The following USH2A variants were observed in gnomAD, a reference collection of about 807,000 sequenced individuals.
USH2A encodes usherin, also known as Usher syndrome 2A (autosomal recessive, mild).
A neutral mutation model predicts 538.9 loss-of-function variants in USH2A; 443 were observed. The observed-to-expected ratio is 0.82, with a 90% CI of 0.76 to 0.89. The LOEUF (loss-of-function observed/expected upper bound fraction) is 0.89. USH2A is among the 40% of genes least tolerant of loss of function. USH2A has a pLI of 0.00. For synonymous variants in USH2A, 2,413 were observed against 2,273.5 expected (o/e 1.06, Z -1.75); for missense variants, 6,633 against 6,324.8 (o/e 1.05, Z -1.65).
intron 27 of USH2A, among the ~76,000 whole-genome samples, chr1:216,073,564 T>C (rs2031638608): frequency 6.6e-6 from 1 of 152,216 alleles, no homozygotes; most frequent in Admixed American, 6.5e-5. Flanking sequence ...GCATTTATTT[T>C]ACCTCCTTAG....
chr1:216,241,602 T>C (rs2035939832), intron 13 of USH2A, among the ~76,000 whole-genome samples: 1 of 152,006 alleles, frequency 6.6e-6, no homozygotes, highest in African/African-American at 2.4e-5. Flanking sequence ...TGGCGCCATC[T>C]CTGCTCACTG....
chr1:216,037,434 T>G (rs1233087143), intron 32 of USH2A, among the ~76,000 whole-genome samples: 1 of 152,180 alleles, frequency 6.6e-6, no homozygotes, highest in African/African-American at 2.4e-5. Context: ...TGACCTTTGC[T>G]CTTGACTGGT....
intron 61 of USH2A, among the ~76,000 whole-genome samples, chr1:215,719,365 A>C (rs1307818568): frequency 1.1e-5 from 1 of 93,852 alleles, no homozygotes; most frequent in Non-Finnish European, 2.3e-5. Flanking sequence ...CAGGAGACAA[A>C]AAAAAAAAAA....
intron 30 of USH2A, among the ~76,000 whole-genome samples, chr1:216,063,470 A>G (rs1003468519): frequency 6.6e-6 from 1 of 152,158 alleles, no homozygotes; most frequent in Non-Finnish European, 1.5e-5. Context: ...CCTTCTACCT[A>G]TGTCCTTGAT....
At chr1:215,984,496 G>T (rs1421739462) in intron 35 of USH2A, among the ~76,000 whole-genome samples, 1 of 152,150 alleles carries the variant, frequency 6.6e-6, no homozygotes, top group African/African-American at 2.4e-5. Context: ...GGTTTTTAAG[G>T]TGTTTAATTT....
Position 216,046,317 on chromosome 1 carries a change from C to T in USH2A, c.6325+114G>A. 7.1e-6 allele frequency: 8 copies of T among 1,119,324 alleles called. No homozygotes were observed. The South Asian group carries it at 8.3e-5, about 12-fold the overall frequency. 69.3% of individuals were successfully genotyped at this position (1,119,324 alleles called of 1,614,324 possible). On this transcript the variant is annotated intron_variant, in intron 32 of 71. Transcript: ENST00000307340. ...TTATTTTTTTCACATATTTCCTAAG[C>T]ATTCTTGATTAAATTTGCAGATATG...
chr1:215,900,622 ATTGT>A (rs1665468091), intron 39 of USH2A, 129 bp downstream of exon 39: 6 of 1,183,136 alleles, frequency 5.1e-6, no homozygotes, highest in South Asian at 1.3e-5. Context: ...TTATCCTCTA[ATTGT>A]TTGGGGTTTT....
At chr1:215,740,679 A>G (rs1660274742) in intron 60 of USH2A, among the ~76,000 whole-genome samples, 1 of 152,150 alleles carries the variant, frequency 6.6e-6, no homozygotes, top group Non-Finnish European at 1.5e-5. Context: ...TCCTCTCTGG[A>G]AAGACTATGT....
intron 34 of USH2A, among the ~76,000 whole-genome samples, chr1:215,995,263 T>C (rs555129274): frequency 6.6e-6 from 1 of 152,344 alleles, no homozygotes; most frequent in South Asian, 2.1e-4. Context: ...TACTATGTCA[T>C]CTGAGATCCA....
At chr1:215,732,819 G>T (rs3001050) in intron 60 of USH2A, among the ~76,000 whole-genome samples, 26,945 of 151,688 alleles carry the variant, frequency 0.18, 2,551 homozygotes, top group Non-Finnish European at 0.2. Context: ...GGGATTACAG[G>T]TGTGAGCCAC....
chr1:216,362,898 C>T (rs1252920616), intron 4 of USH2A, among the ~76,000 whole-genome samples: 1 of 150,796 alleles, frequency 6.6e-6, no homozygotes, highest in Admixed American at 6.6e-5. Flanking sequence ...GAGATTGCAC[C>T]ACTGCACTCC....
At chr1:215,975,341 C>T (rs1163747735) in intron 35 of USH2A, among the ~76,000 whole-genome samples, 1 of 151,824 alleles carries the variant, frequency 6.6e-6, no homozygotes, top group Middle Eastern at 3.2e-3. Context: ...TTAGGTTTAT[C>T]TTGTCAATTT....
chr1:215,770,658 C>G (rs1329915403), intron 55 of USH2A, among the ~76,000 whole-genome samples: 1 of 152,050 alleles, frequency 6.6e-6, no homozygotes, highest in African/African-American at 2.4e-5. Context: ...GCATGTACTA[C>G]TAGTTGGCCC....
intron 47 of USH2A, among the ~76,000 whole-genome samples, chr1:215,827,898 A>G (rs1383544981): frequency 6.6e-6 from 1 of 152,188 alleles, no homozygotes; most frequent in Non-Finnish European, 1.5e-5. Flanking sequence ...TAATTAAATT[A>G]AATGTAAAAT....
intron 32 of USH2A, among the ~76,000 whole-genome samples, chr1:216,027,810 T>C (rs1669006316): frequency 6.6e-6 from 1 of 152,212 alleles, no homozygotes; most frequent in South Asian, 2.1e-4. Context: ...AATACATTGA[T>C]AATGCACTAA....
intron 21 of USH2A, among the ~76,000 whole-genome samples, chr1:216,139,506 T>C (rs1209250313): frequency 6.6e-6 from 1 of 152,174 alleles, no homozygotes; most frequent in African/African-American, 2.4e-5. Flanking sequence ...AACTTACAGA[T>C]TGACTGCTCA....
Position 215,634,722 on chromosome 1 carries a change from G to A in USH2A, c.15053-19C>T, listed in dbSNP as rs1571919527. On this transcript the variant is annotated intron_variant, in intron 69 of 71. Coordinates refer to ENST00000307340, the MANE Select transcript of USH2A (RefSeq NM_206933.4). ...ACCAAGCCTGCAAAACCCAGAGAAA[G>A]AAAGGGGAAATGTTATTTCAGAAAG... The A allele has an allele frequency of 6.2e-7, 1 of 1,614,216 alleles. No individual in the cohort carries two copies. The highest frequency in any genetic ancestry group is 2.2e-5 in the East Asian group (1 of 44,894).
At chr1:215,923,441 C>T (rs993313569) in intron 38 of USH2A, among the ~76,000 whole-genome samples, 3 of 152,000 alleles carry the variant, frequency 2.0e-5, no homozygotes, top group African/African-American at 2.4e-5. Flanking sequence ...CAAATTGAGC[C>T]GAATCCCATA....
intron 32 of USH2A, among the ~76,000 whole-genome samples, chr1:216,006,500 C>CT (rs1271027330): frequency 5.9e-5 from 9 of 152,152 alleles, no homozygotes; most frequent in Non-Finnish European, 1.0e-4. Flanking sequence ...CTGGATAAAT[C>CT]TTATCATCTT....
Sources: gnomAD v4.1 joint callset for allele counts (sites outside exome capture counted in the v4.1 genomes callset) on GRCh38, gnomAD v4.1.1 for gene constraint, MANE v1.5 for transcripts, NCBI Gene and HGNC (gene_info 2026-07-23, HGNC 2026-07-21) for gene names.